The following PTPRG variants were observed in gnomAD, a reference collection of about 807,000 sequenced individuals.
PTPRG encodes the protein receptor-type tyrosine-protein phosphatase gamma.
In PTPRG, 102 loss-of-function variants were observed where a neutral mutation model predicts 165.3. That is an observed-to-expected ratio of 0.62 (90% confidence interval 0.53 to 0.73). The LOEUF (loss-of-function observed/expected upper bound fraction) is 0.73. Ranked by LOEUF, PTPRG falls within the 30% of genes least tolerant of loss-of-function variation. The probability of loss-of-function intolerance (pLI) is 0.00; values close to 1 mark genes in which losing one functional copy is unlikely to be tolerated. For synonymous variants in PTPRG, 675 were observed against 669.5 expected, an observed-to-expected ratio of 1.01 and a Z score of -0.13; for missense variants, 1,866 against 1,861.4, an observed-to-expected ratio of 1.00 and a Z score of -0.05.
chr3:62,077,863 A>G (rs1481644051), intron 4 of PTPRG, among the ~76,000 whole-genome samples: 5 of 152,070 alleles, frequency 3.3e-5, no homozygotes, highest in East Asian at 1.9e-4. Flanking sequence ...ATTAGCGGGC[A>G]TGATGGCAGT....
At chr3:61,633,581 T>C (rs1701825816) in intron 1 of PTPRG, among the ~76,000 whole-genome samples, 1 of 152,226 alleles carries the variant, frequency 6.6e-6, no homozygotes, top group Non-Finnish European at 1.5e-5. Context: ...CTGATAGTAT[T>C]TTTTGTGGAT....
chr3:61,631,177 G>A (rs1701766496), intron 1 of PTPRG, among the ~76,000 whole-genome samples: 1 of 151,784 alleles, frequency 6.6e-6, no homozygotes, highest in Non-Finnish European at 1.5e-5. Context: ...GACCATTAAA[G>A]TTTTTTACTA....
Position 61,640,407 on chromosome 3 carries a change from C to T in PTPRG, c.85+78035C>T, listed in dbSNP as rs566446135. Among the ~76,000 whole-genome samples, 28 of 152,076 alleles carry T rather than the reference C, an allele frequency of 1.8e-4. No homozygotes were observed. In the Middle Eastern group the frequency reaches 0.021, roughly 112 times the overall value. On this transcript the variant is annotated intron_variant, in intron 1 of 29. Coordinates refer to ENST00000474889, the MANE Select transcript of PTPRG (RefSeq NM_002841.4). ...TCTCTCCAGTGTATATGTGTTGATC[C>T]TCCTCCTCCTCCTCCTCTTCTTTCT...
chr3:62,071,652 A>G (rs894013131), intron 4 of PTPRG, among the ~76,000 whole-genome samples: 17 of 152,206 alleles, frequency 1.1e-4, no homozygotes, highest in African/African-American at 3.9e-4. Context: ...CTTACAGACA[A>G]TAGGCATTAA....
chr3:62,081,224 A>G (rs957304053), intron 5 of PTPRG, among the ~76,000 whole-genome samples: 1 of 150,124 alleles, frequency 6.7e-6, no homozygotes, highest in Non-Finnish European at 1.5e-5. Context: ...GCCATTGCAC[A>G]CCAGCCTGGG....
At chr3:61,617,834 G>A (rs1559526119) in intron 1 of PTPRG, among the ~76,000 whole-genome samples, 1 of 152,090 alleles carries the variant, frequency 6.6e-6, no homozygotes, top group Admixed American at 6.5e-5. Context: ...CTTCTTTGTT[G>A]TGTCATATTT....
At chr3:62,014,113 C>T (rs2041487259) in intron 4 of PTPRG, among the ~76,000 whole-genome samples, 1 of 152,170 alleles carries the variant, frequency 6.6e-6, no homozygotes, top group Non-Finnish European at 1.5e-5. Context: ...TTTAGTGCCA[C>T]CGTCACTCAG....
intron 13 of PTPRG, among the ~76,000 whole-genome samples, chr3:62,220,660 T>C (rs1559670921): frequency 6.6e-6 from 1 of 152,180 alleles, no homozygotes; most frequent in Non-Finnish European, 1.5e-5. Flanking sequence ...ATAGGAACAC[T>C]AGACTCACCT....
chr3:61,866,799 A>G (rs1043754957), intron 2 of PTPRG, among the ~76,000 whole-genome samples: 1 of 151,806 alleles, frequency 6.6e-6, no homozygotes, highest in African/African-American at 2.4e-5. Context: ...GCATTTCACC[A>G]TGTTGGCCAG....
chr3:61,592,752 G>T (rs565922812), intron 1 of PTPRG, among the ~76,000 whole-genome samples: 2 of 150,622 alleles, frequency 1.3e-5, no homozygotes, highest in South Asian at 4.2e-4. Flanking sequence ...TTGAATTCTG[G>T]TGAAGGCAGT....
intron 14 of PTPRG, among the ~76,000 whole-genome samples, chr3:62,234,945 C>CT (rs1438164850): frequency 6.6e-6 from 1 of 151,522 alleles, no homozygotes; most frequent in African/African-American, 2.4e-5. Flanking sequence ...TTCCCCCCCC[C>CT]GAGATGGTCT....
intron 2 of PTPRG, among the ~76,000 whole-genome samples, chr3:61,901,276 G>A (rs2038492612): frequency 6.6e-6 from 1 of 152,170 alleles, no homozygotes. Context: ...ATGATGCTTT[G>A]TGCATCCTTC....
chr3:61,673,761 C>T (rs1703115095), intron 1 of PTPRG, among the ~76,000 whole-genome samples: 2 of 152,112 alleles, frequency 1.3e-5, no homozygotes, highest in Admixed American at 1.3e-4. Context: ...GACTATTGAA[C>T]TCTGAGCAAC....
intron 4 of PTPRG, among the ~76,000 whole-genome samples, chr3:62,043,499 A>G (rs1050423654): frequency 3.9e-5 from 6 of 152,222 alleles, no homozygotes; most frequent in Non-Finnish European, 7.3e-5. Flanking sequence ...AGCCCTTCTC[A>G]TAAGAGAATA....
intron 2 of PTPRG, among the ~76,000 whole-genome samples, chr3:61,766,664 T>C (rs112113077): frequency 6.6e-6 from 1 of 152,026 alleles, no homozygotes. Context: ...TTGCCCAGAT[T>C]GGAGTGTGGT....
rs778994257 is a variant in PTPRG, at chr3:62,281,537, G to GTTTTTTTTTTTTTTTTTTTTTTTTTTT, written c.3766-26_3766-25insTTTTTTTTTTTTTTTTTTTTTTTTTTT. The GTTTTTTTTTTTTTTTTTTTTTTTTTTT allele has an allele frequency of 1.7e-4, 30 of 174,978 alleles. 1 individual carries two copies. The highest frequency in any genetic ancestry group is 1.3e-3 in the Admixed American group (5 of 3,738). The allele number at this position is 174,978 out of a possible 1,614,324, so 10.8% of individuals were successfully genotyped here. A position where few individuals can be genotyped will look rare whatever the true frequency, so the allele number is the denominator to read the frequency against. ...ACAAATCCTTGACAGAACTGCAGAG[G>GTTTTTTTTTTTTTTTTTTTTTTTTTTT]CTTTTTTTTTTTTTGGATTCCAAAG... On this transcript the variant is annotated intron_variant, in intron 26 of 29. Coordinates refer to ENST00000474889, the MANE Select transcript of PTPRG (RefSeq NM_002841.4).
intron 3 of PTPRG, among the ~76,000 whole-genome samples, chr3:61,998,670 G>A (rs1021459378): frequency 1.3e-5 from 2 of 152,174 alleles, no homozygotes; most frequent in African/African-American, 4.8e-5. Flanking sequence ...AGGTAGCCAC[G>A]GCTATGGACT....
At chr3:61,950,190 C>G (rs2039866389) in intron 2 of PTPRG, among the ~76,000 whole-genome samples, 1 of 152,190 alleles carries the variant, frequency 6.6e-6, no homozygotes, top group Non-Finnish European at 1.5e-5. Context: ...AGACAGTTTC[C>G]AGGCCTGTGC....
intron 2 of PTPRG, among the ~76,000 whole-genome samples, chr3:61,778,703 A>G (rs959720718): frequency 6.6e-6 from 1 of 152,114 alleles, no homozygotes; most frequent in Non-Finnish European, 1.5e-5. Context: ...GTACTGACCT[A>G]CTGTAGCCTT....
Sources: allele counts gnomAD v4.1 joint callset (sites outside exome capture counted in the v4.1 genomes callset), GRCh38; gene constraint gnomAD v4.1.1; transcripts MANE v1.5; gene names NCBI Gene and HGNC (gene_info 2026-07-23, HGNC 2026-07-21).